Variants in BPIFA3 observed in about 807,000 individuals in gnomAD.
BPIFA3 encodes BPI fold-containing family A member 3.
BPIFA3 carries 32 observed loss-of-function variants against 29.7 expected under a neutral mutation model. The ratio of observed to expected loss-of-function variants is 1.08; its 90% CI spans 0.81 to 1.45. The LOEUF (loss-of-function observed/expected upper bound fraction) is 1.45. Among genes scored for constraint, BPIFA3 ranks in the 40% most tolerant of loss-of-function variants. The pLI is 0.00. For synonymous variants in BPIFA3, 112 were observed against 113.7 expected, an observed-to-expected ratio of 0.98 and a Z score of 0.10; for missense variants, 323 against 311.3, an observed-to-expected ratio of 1.04 and a Z score of -0.28.
At chr20:33,219,186 T>C (rs1031879841) in intron 1 of BPIFA3, among the ~76,000 whole-genome samples, 5 of 152,222 alleles carry the variant, frequency 3.3e-5, no homozygotes, top group Admixed American at 2.6e-4. Flanking sequence ...ATTACAAGTG[T>C]AAGCCACTGT....
intron 1 of BPIFA3, 138 bp downstream of exon 1, chr20:33,217,801 A>G: frequency 8.8e-7 from 1 of 1,130,398 alleles, no homozygotes; most frequent in East Asian, 2.8e-5. Flanking sequence ...GACCTCAAGT[A>G]CAGAAAATTG....
At chr20:33,218,899 T>C (rs1458770933) in intron 1 of BPIFA3, among the ~76,000 whole-genome samples, 1 of 152,110 alleles carries the variant, frequency 6.6e-6, no homozygotes, top group African/African-American at 2.4e-5. Context: ...TATACTTTTG[T>C]TAACCATTTT....
chr20:33,224,411 A>T lies in BPIFA3; in HGVS notation c.335A>T (p.Lys112Met), dbSNP rs1462990634. Residue 112 changes from lysine (K) to methionine (M), a missense_variant, in exon 3 of 7, where the codon AAG (lysine) becomes ATG (methionine). Transcript: ENST00000375454. The part of the protein sequence containing the change: ...DCGGIQISFH[K>M]EWFSANISLE... ...GGTGGGATCCAGATATCATTCCATA[A>T]GGAGTGGTTCTCGGCAAATATCTCA... 1 of 1,614,070 alleles carries T rather than the reference A, an allele frequency of 6.2e-7. No homozygotes were observed. Among genetic ancestry groups the T allele is most frequent in the African/African-American group, 1.3e-5 (1 of 74,934 alleles).
intron 3 of BPIFA3, 102 bp downstream of exon 3, chr20:33,224,564 T>G: frequency 9.8e-7 from 1 of 1,024,960 alleles, no homozygotes; most frequent in African/African-American, 1.6e-5. Context: ...AAATCCTGGC[T>G]TCCAAAGCCA....
intron 1 of BPIFA3, among the ~76,000 whole-genome samples, chr20:33,222,257 G>A (rs1386624266): frequency 6.6e-6 from 1 of 152,232 alleles, no homozygotes; most frequent in African/African-American, 2.4e-5. Context: ...TCCTCATGCT[G>A]GTTCCCATTG....
intron 2 of BPIFA3, 79 bp from the exon 3 acceptor site, chr20:33,224,276 A>T: frequency 8.6e-7 from 1 of 1,162,556 alleles, no homozygotes; most frequent in Non-Finnish European, 1.3e-6. Context: ...ATAGTCGGAC[A>T]GCCTTGTTTC....
chr20:33,224,349 G>T lies in BPIFA3; in HGVS notation c.279-6G>T. On this transcript the variant is annotated splice_polypyrimidine_tract_variant and splice_region_variant and intron_variant, in intron 2 of 6. Transcript: ENST00000375454. ...CTTGTGGGGCCTCTGCTCTTTCCTTGTGCAGCATCAACATCACCAACATTC... is the reference window on the plus strand; with the variant it reads ...CTTGTGGGGCCTCTGCTCTTTCCTTTTGCAGCATCAACATCACCAACATTC... 1 of 1,612,816 alleles carries T rather than the reference G, an allele frequency of 6.2e-7. No homozygotes were observed. The highest frequency in any genetic ancestry group is 8.5e-7 in the Non-Finnish European group (1 of 1,178,900).
At position 33,217,653 on chromosome 20, in the gene BPIFA3, C is replaced by G. The variant is rs773044801; in HGVS notation, c.117C>G (p.Thr39=). The G allele has an allele frequency of 6.2e-7, 1 of 1,613,504 alleles. No individual in the cohort carries two copies. Among genetic ancestry groups the G allele is most frequent in the South Asian group, 1.1e-5 (1 of 91,036 alleles). Residue 39 remains threonine (T), a synonymous_variant, in exon 1 of 7, where the codon ACC becomes ACG. Transcript: ENST00000375454. The stretch of plus-strand genomic sequence containing the variant: ...AAGCCCACAGAGACAACAAATCCAC[C>G]CTGGCAAGAAGTAAGCTAAGCCCCG... ...LAQAHRDNKS[T]LARIIAQGLI...
At chr20:33,223,771 G>T in intron 1 of BPIFA3, 40 bp from the exon 2 acceptor site, 1 of 1,585,222 alleles carries the variant, frequency 6.3e-7, no homozygotes, top group African/African-American at 1.3e-5. Flanking sequence ...CACCTTTTCC[G>T]TGACACTGTG....
rs369531678 is a variant in BPIFA3, at chr20:33,224,558, C to T, written c.386+96C>T. On this transcript the variant is annotated intron_variant, in intron 3 of 6. Transcript: ENST00000375454. ...TTCTGATCCCAACCTAAATTCAAAT[C>T]CTGGCTTCCAAAGCCACTTGCTGTG... 3.6e-6 allele frequency: 4 copies of T among 1,123,440 alleles called. No individual in the cohort carries two copies. In the East Asian group the frequency reaches 7.1e-5, roughly 20 times the overall value. 69.6% of individuals were successfully genotyped at this position (1,123,440 alleles called of 1,614,324 possible).
chr20:33,226,897 G>A (rs1314868861), intron 5 of BPIFA3, 33 bp from the exon 6 acceptor site: 1 of 1,613,826 alleles, frequency 6.2e-7, no homozygotes, highest in Non-Finnish European at 8.5e-7. Context: ...TCCAGCCCCT[G>A]GCCTGATCCT....
At chr20:33,218,252 G>T (rs1471990000) in intron 1 of BPIFA3, among the ~76,000 whole-genome samples, 3 of 152,200 alleles carry the variant, frequency 2.0e-5, no homozygotes, top group African/African-American at 7.2e-5. Flanking sequence ...ACAGCCTGTG[G>T]GAGAATTTCC....
chr20:33,226,864 C>A, intron 5 of BPIFA3, 66 bp from the exon 6 acceptor site: 1 of 1,590,806 alleles, frequency 6.3e-7, no homozygotes, highest in Middle Eastern at 1.7e-4. Flanking sequence ...AGTTTCCTGC[C>A]ACAGTCACTT....
Position 33,226,947 on chromosome 20 carries a change from T to C in BPIFA3, c.639T>C (p.Gly213=). The C allele has an allele frequency of 6.2e-7, 1 of 1,614,138 alleles. No homozygotes were observed. Among genetic ancestry groups the C allele is most frequent in the East Asian group, 2.2e-5 (1 of 44,886 alleles). ...TGGTCCAGGTATGTCCTCTGATCGGTGAAATCCTCGGGCAGCTGGATGTGA... is the reference window on the plus strand; with the variant it reads ...TGGTCCAGGTATGTCCTCTGATCGGCGAAATCCTCGGGCAGCTGGATGTGA... ...MVESQVCPLI[G]EILGQLDVKL... Residue 213 remains glycine (G), a synonymous_variant, in exon 6 of 7, where the codon GGT becomes GGC. Coordinates refer to ENST00000375454, the MANE Select transcript of BPIFA3 (RefSeq NM_178466.5).
In BPIFA3 at chr20:33,217,744, C is replaced by T. The variant is rs41312280; in HGVS notation, c.127+81C>T. 1,042 of 1,487,072 alleles carry T rather than the reference C, an allele frequency of 7.0e-4. 1 individual carries two copies. Among genetic ancestry groups the T allele is most frequent in the Admixed American group, 3.4e-3 (141 of 40,956 alleles). 92.1% of individuals were successfully genotyped at this position (1,487,072 alleles called of 1,614,324 possible). ...TGCCATCTGGGCTCCACTGCTAACCCGCTGGGTGACTTCAGGTTAGTCACT... is the reference window on the plus strand; with the variant it reads ...TGCCATCTGGGCTCCACTGCTAACCTGCTGGGTGACTTCAGGTTAGTCACT... On this transcript the variant is annotated intron_variant, in intron 1 of 6. Transcript: ENST00000375454.
chr20:33,223,948 C>A lies in BPIFA3; in HGVS notation c.265C>A (p.Gln89Lys), dbSNP rs367718982. The change falls in exon 2 of 7, where the codon CAG (glutamine) becomes AAG (lysine). Residue 89 changes from glutamine to lysine, a missense_variant. By Grantham distance (53) the Gln-to-Lys change is moderately conservative (BLOSUM62 1). Transcript: ENST00000375454. Reference sequence around the variant, plus strand: ...AATCAGCGGCAGGAAACACCAGCAGCAGCAAGAGAGCAGGTGAGACCCTGA... The same window carrying A: ...AATCAGCGGCAGGAAACACCAGCAGAAGCAAGAGAGCAGGTGAGACCCTGA... ...WLISGRKHQQ[Q>K]QESSINITNI... The A allele has an allele frequency of 8.1e-6, 13 of 1,614,038 alleles. No individual in the cohort carries two copies. The highest frequency in any genetic ancestry group is 3.3e-5 in the Admixed American group (2 of 60,026).
intron 2 of BPIFA3, 57 bp from the exon 3 acceptor site, chr20:33,224,298 C>A (rs956379007): frequency 1.4e-6 from 2 of 1,398,684 alleles, no homozygotes; most frequent in South Asian, 1.2e-5. Flanking sequence ...CAGCAGGAAG[C>A]CTTACCTGTT....
Position 33,227,703 on chromosome 20 carries a change from CCAGGCT to C in BPIFA3, c.*88_*93del. The C allele has an allele frequency of 5.1e-6, 6 of 1,179,784 alleles. No homozygotes were observed. The highest frequency in any genetic ancestry group is 7.5e-6 in the Non-Finnish European group (6 of 802,014). The allele number at this position is 1,179,784 out of a possible 1,614,324, so 73.1% of individuals were successfully genotyped here. On this transcript the variant is annotated 3_prime_UTR_variant, in exon 7 of 7. Transcript: ENST00000375454. ...CTTCTGCTACCCTAAAAACTTTACC[CCAGGCT>C]CTGTGGACATACCATCCTCTCCTAC... is the stretch of plus-strand genomic sequence containing the variant.
chr20:33,217,767 A>C (rs1321142862), intron 1 of BPIFA3, 104 bp downstream of exon 1: 1 of 1,364,082 alleles, frequency 7.3e-7, no homozygotes, highest in Non-Finnish European at 9.7e-7. Flanking sequence ...CAGGTTAGTC[A>C]CTTTCCCTCT....
Sources: allele counts gnomAD v4.1 joint callset (sites outside exome capture counted in the v4.1 genomes callset), GRCh38; gene constraint gnomAD v4.1.1; transcripts MANE v1.5; gene names NCBI Gene and HGNC (gene_info 2026-07-23, HGNC 2026-07-21).